The following CNKSR2 variants were observed in gnomAD, a reference collection of about 807,000 sequenced individuals.
CNKSR2 encodes the protein connector enhancer of kinase suppressor of Ras 2.
In CNKSR2, 14 loss-of-function variants were observed where a neutral mutation model predicts 84.4. That is an observed-to-expected ratio of 0.17 (90% confidence interval 0.11 to 0.26). The LOEUF (loss-of-function observed/expected upper bound fraction) is 0.26. CNKSR2 is among the 10% of genes least tolerant of loss of function. CNKSR2 has a pLI of 1.00. For missense variants in CNKSR2, 485 were observed against 771.2 expected, an observed-to-expected ratio of 0.63 and a Z score of 4.40; for synonymous variants, 275 against 277.9, an observed-to-expected ratio of 0.99 and a Z score of 0.10.
At position 21,590,525 on chromosome X, in the gene CNKSR2, A is replaced by T. The variant is rs368464872; in HGVS notation, c.1609-47A>T. 27 of 1,144,359 alleles carry T rather than the reference A, an allele frequency of 2.4e-5. No individual in the cohort carries two copies. In the African/African-American group the frequency reaches 4.3e-4, roughly 18 times the overall value. 94.3% of individuals were successfully genotyped at this position (1,144,359 alleles called of 1,213,427 possible). A position where few individuals can be genotyped will look rare whatever the true frequency, so the allele number is the denominator to read the frequency against. ...TCTGTGTAGCGTGCTGGTGCTCTGG[A>T]TCACACCCTGAGTATCAGATAACAT... On this transcript the variant is annotated intron_variant, in intron 13 of 21. Transcript: ENST00000379510.
At chrX:21,399,157 A>G (rs1350193491) in intron 1 of CNKSR2, among the ~76,000 whole-genome samples, 1 of 111,328 alleles carries the variant, frequency 9.0e-6, no homozygotes, top group Non-Finnish European at 1.9e-5. Flanking sequence ...CCCTTCATAA[A>G]TACCAGTAGA....
rs764945214 is a variant in CNKSR2 at position 21,501,618 on chromosome X, G to A, written c.810+30G>A. 4.7e-4 allele frequency: 390 copies of A among 835,574 alleles called. 1 individual carries two copies. The highest frequency in any genetic ancestry group is 5.6e-4 in the Non-Finnish European group (330 of 590,007). The allele number at this position is 835,574 out of a possible 1,213,427, so 68.9% of individuals were successfully genotyped here. On this transcript the variant is annotated intron_variant, in intron 8 of 21. Transcript: ENST00000379510. ...GTATAATTAACTTAAGAGTCAGTGG[G>A]AGGAACTAATTTTGATTTGCTAAAG... is the stretch of plus-strand genomic sequence containing the variant.
At chrX:21,624,107 T>G (rs956560726) in intron 20 of CNKSR2, among the ~76,000 whole-genome samples, 1 of 112,166 alleles carries the variant, frequency 8.9e-6, no homozygotes, top group Non-Finnish European at 1.9e-5. Flanking sequence ...ATTGAGATGA[T>G]TGATATTAAT....
At chrX:21,597,401 G>T (rs185344072) in intron 17 of CNKSR2, among the ~76,000 whole-genome samples, 102 of 111,467 alleles carry the variant, frequency 9.2e-4, no homozygotes, top group African/African-American at 3.1e-3. Flanking sequence ...TAAAAAGGCC[G>T]TCTCCACATT....
intron 17 of CNKSR2, among the ~76,000 whole-genome samples, chrX:21,599,617 G>A (rs1277441301): frequency 2.7e-5 from 3 of 110,996 alleles, no homozygotes; most frequent in Non-Finnish European, 5.7e-5. Context: ...CGCCCACATC[G>A]GCCTCCCAAA....
chrX:21,436,576 T>C (rs1038351524), intron 3 of CNKSR2, among the ~76,000 whole-genome samples: 1 of 111,567 alleles, frequency 9.0e-6, no homozygotes, highest in Non-Finnish European at 1.9e-5. Context: ...TTTTTTCTCT[T>C]TCTGGCATCA....
chrX:21,390,895 A>C (rs1330980953), intron 1 of CNKSR2, among the ~76,000 whole-genome samples: 1 of 112,423 alleles, frequency 8.9e-6, no homozygotes, highest in East Asian at 2.8e-4. Context: ...GGTTACAGGC[A>C]TTGGGTAAAT....
chrX:21,524,501 G>GAATT (rs2091815767), intron 9 of CNKSR2, among the ~76,000 whole-genome samples: 1 of 110,750 alleles, frequency 9.0e-6, no homozygotes, highest in Non-Finnish European at 1.9e-5. Context: ...GGAAATTGAG[G>GAATT]GCTAATAATT....
intron 20 of CNKSR2, chrX:21,645,921 T>C (rs2092705605): frequency 8.9e-6 from 1 of 112,029 alleles, no homozygotes. Context: ...TCTTGAATGT[T>C]GAGTTCTGTG....
At position 21,609,396 on chromosome X, in the gene CNKSR2, A is replaced by T. The variant is rs766667688; in HGVS notation, c.2471A>T (p.Tyr824Phe). The T allele has an allele frequency of 8.3e-7, 1 of 1,209,302 alleles. No homozygotes were observed. The highest frequency in any genetic ancestry group is 1.8e-5 in the African/African-American group (1 of 56,942). ...CACCTGCAGGATCACTATGGGCCAT[A>T]CCCCTTAGCTGAGAGTGAGAGGATG... Reference protein sequence around the residue: ...KCHLQDHYGPYPLAESERMQV... With the variant: ...KCHLQDHYGPFPLAESERMQV... Residue 824 changes from tyrosine to phenylalanine, a missense_variant, in exon 20 of 22, where the codon TAC becomes TTC. Tyr to Phe is a conservative substitution (Grantham distance 22, BLOSUM62 3). Transcript: ENST00000379510.
At chrX:21,645,287 G>A (rs1343342749) in intron 20 of CNKSR2, 3 of 111,695 alleles carry the variant, frequency 2.7e-5, no homozygotes, top group Non-Finnish European at 3.8e-5. Context: ...ATCAATCAAT[G>A]AAATTTTATG....
chrX:21,443,351 GA>G (rs1316930875), intron 4 of CNKSR2, among the ~76,000 whole-genome samples: 1 of 111,453 alleles, frequency 9.0e-6, no homozygotes, highest in East Asian at 2.8e-4. Context: ...CATTTACAGT[GA>G]AATCTGAATT....
At chrX:21,381,389 G>A (rs1453783042) in intron 1 of CNKSR2, among the ~76,000 whole-genome samples, 1 of 111,576 alleles carries the variant, frequency 9.0e-6, no homozygotes, top group Admixed American at 9.5e-5. Context: ...TTTAAAAAAG[G>A]TAAAATTAAT....
At chrX:21,617,011 A>G (rs898044314) in intron 20 of CNKSR2, among the ~76,000 whole-genome samples, 2 of 112,277 alleles carry the variant, frequency 1.8e-5, no homozygotes, top group African/African-American at 6.5e-5. Context: ...CTGTCAAGTC[A>G]CAACAGCAGA....
At chrX:21,602,796 T>C (rs927296768) in intron 18 of CNKSR2, among the ~76,000 whole-genome samples, 2 of 112,285 alleles carry the variant, frequency 1.8e-5, no homozygotes, top group African/African-American at 6.5e-5. Context: ...TTCAGATTTC[T>C]TTAAAAGGAA....
rs755536310 is a variant in CNKSR2, at chrX:21,422,264, A to G, written c.65-4233A>G. 1.8e-3 allele frequency: 205 copies of G among 111,499 alleles called. 1 individual carries two copies. Among genetic ancestry groups the G allele is most frequent in the Non-Finnish European group, 1.2e-3 (62 of 53,071 alleles). 9.2% of individuals were successfully genotyped at this position (111,499 alleles called of 1,213,427 possible). A position where few individuals can be genotyped will look rare whatever the true frequency, so the allele number is the denominator to read the frequency against. On this transcript the variant is annotated intron_variant, in intron 1 of 21. Coordinates refer to ENST00000379510, the MANE Select transcript of CNKSR2 (RefSeq NM_014927.5). ...CCGCCTAATCCCATGGTGCCCAGCC[A>G]TAGGTCCAGCAGGATCAGCAGCTAC...
In CNKSR2 at chrX:21,450,397, C is replaced by T. The variant is rs369904789; in HGVS notation, c.519+9616C>T. 1.4e-4 allele frequency among the ~76,000 whole-genome samples: 16 copies of T among 110,955 alleles called. No individual in the cohort carries two copies. The South Asian group carries it at 1.9e-3, about 13-fold the overall frequency. ...ATGATCTAAAACTATTTTTTGCATA[C>T]GCGGACATAACTGGCGCTTTTTCAA... On this transcript the variant is annotated intron_variant, in intron 4 of 21. Transcript: ENST00000379510.
intron 11 of CNKSR2, among the ~76,000 whole-genome samples, chrX:21,556,984 T>C (rs2092145482): frequency 9.1e-6 from 1 of 109,417 alleles, no homozygotes; most frequent in Admixed American, 9.8e-5. Flanking sequence ...CTTGAGTAGG[T>C]CGGAGGGAAT....
At chrX:21,480,448 G>A (rs1163968030) in intron 5 of CNKSR2, among the ~76,000 whole-genome samples, 3 of 112,022 alleles carry the variant, frequency 2.7e-5, no homozygotes, top group Non-Finnish European at 3.8e-5. Flanking sequence ...TCTTAGTTGA[G>A]CTATCAATAT....
Sources: gnomAD v4.1 joint callset for allele counts (sites outside exome capture counted in the v4.1 genomes callset) on GRCh38, gnomAD v4.1.1 for gene constraint, MANE v1.5 for transcripts, NCBI Gene and HGNC (gene_info 2026-07-23, HGNC 2026-07-21) for gene names.